FAM171A1: variants seen among roughly 807,000 people sequenced by gnomAD.
FAM171A1 encodes family with sequence similarity 171 member A1.
Under a neutral mutation model 74.9 loss-of-function variants are expected in FAM171A1, and 23 were observed. The ratio of observed to expected loss-of-function variants is 0.31; its 90% CI spans 0.22 to 0.44. The LOEUF is 0.44. FAM171A1 is among the 20% of genes least tolerant of loss of function. The pLI, the probability that FAM171A1 is intolerant of heterozygous loss-of-function variation, is 1.00. For synonymous variants in FAM171A1, 527 were observed against 505.7 expected (o/e 1.04, Z -0.57); for missense variants, 1,162 against 1,159.2 (o/e 1.00, Z -0.03).
At chr10:15,350,400 T>C (rs1479979067) in intron 1 of FAM171A1, among the ~76,000 whole-genome samples, 1 of 148,474 alleles carries the variant, frequency 6.7e-6, no homozygotes, top group Non-Finnish European at 1.5e-5. Context: ...TGCAGTGGCG[T>C]GATCTCGGCT....
intron 1 of FAM171A1, among the ~76,000 whole-genome samples, chr10:15,306,304 A>G (rs1835294190): frequency 6.6e-6 from 1 of 152,230 alleles, no homozygotes. Flanking sequence ...TGCAGAGGAA[A>G]AAATGCTTAC....
intron 5 of FAM171A1, among the ~76,000 whole-genome samples, chr10:15,243,797 A>G (rs1834392886): frequency 1.2e-5 from 1 of 85,352 alleles, no homozygotes; most frequent in African/African-American, 3.8e-5. Context: ...TATACAGTCA[A>G]TGTATACATT....
chr10:15,336,996 G>C (rs563912350), intron 1 of FAM171A1, among the ~76,000 whole-genome samples: 2 of 151,808 alleles, frequency 1.3e-5, no homozygotes, highest in African/African-American at 4.8e-5. Context: ...TTGGGCTCAA[G>C]TGATCCTCCC....
chr10:15,310,067 T>C (rs1414973917), intron 1 of FAM171A1, among the ~76,000 whole-genome samples: 3 of 152,222 alleles, frequency 2.0e-5, no homozygotes, highest in African/African-American at 7.2e-5. Flanking sequence ...AATCCGATGA[T>C]ACTTGATAGT....
chr10:15,310,678 A>G (rs1835349602), intron 1 of FAM171A1, among the ~76,000 whole-genome samples: 1 of 152,148 alleles, frequency 6.6e-6, no homozygotes, highest in Non-Finnish European at 1.5e-5. Context: ...CCTGGCCAAC[A>G]TGGTGAAACC....
At chr10:15,355,865 A>C (rs1354202079) in intron 1 of FAM171A1, among the ~76,000 whole-genome samples, 1 of 152,020 alleles carries the variant, frequency 6.6e-6, no homozygotes, top group Non-Finnish European at 1.5e-5. Context: ...TTCCTTCTTT[A>C]CCCAGACACA....
chr10:15,230,643 ATT>A (rs111610537), intron 5 of FAM171A1, among the ~76,000 whole-genome samples: 1 of 151,614 alleles, frequency 6.6e-6, no homozygotes, highest in Non-Finnish European at 1.5e-5. Context: ...TAAGCAACTG[ATT>A]TTTTTTTCTT....
chr10:15,361,048 C>G (rs1286460261), intron 1 of FAM171A1, among the ~76,000 whole-genome samples: 4 of 152,012 alleles, frequency 2.6e-5, no homozygotes, highest in African/African-American at 9.7e-5. Context: ...AAGCCCTCGT[C>G]TTACCTTTAT....
At position 15,248,665 on chromosome 10, in the gene FAM171A1, G is replaced by C; in HGVS notation, c.728C>G (p.Ala243Gly). 6.2e-7 allele frequency: 1 copy of C among 1,609,988 alleles called. No individual in the cohort carries two copies. The highest frequency in any genetic ancestry group is 8.5e-7 in the Non-Finnish European group (1 of 1,178,116). The change falls in exon 5 of 8, where the codon GCG (alanine) becomes GGG (glycine). Residue 243 changes from alanine (A) to glycine (G), a missense_variant. Transcript: ENST00000378116. ...CAGCTTCTGGTCAAACCGCCACGCC[G>C]CGACATAGGCATTGTGCCTCAGGCT... ...QSSLRHNAYV[A>G]AWRFDQKLGT...
intron 1 of FAM171A1, among the ~76,000 whole-genome samples, chr10:15,311,650 C>G (rs1382145641): frequency 6.6e-6 from 1 of 151,960 alleles, no homozygotes; most frequent in Admixed American, 6.5e-5. Flanking sequence ...CGCCCCACAG[C>G]CCCCTAGTAA....
chr10:15,342,457 A>G (rs961550294), intron 1 of FAM171A1, among the ~76,000 whole-genome samples: 1 of 152,136 alleles, frequency 6.6e-6, no homozygotes, highest in Non-Finnish European at 1.5e-5. Context: ...AGTCTCAGCT[A>G]CTTGGGAGGC....
intron 1 of FAM171A1, among the ~76,000 whole-genome samples, chr10:15,324,711 C>T (rs1213850296): frequency 6.6e-6 from 1 of 151,488 alleles, no homozygotes; most frequent in Non-Finnish European, 1.5e-5. Flanking sequence ...GTGGATTAAA[C>T]AGCCTTAGTT....
intron 1 of FAM171A1, among the ~76,000 whole-genome samples, chr10:15,324,992 G>C (rs906893222): frequency 5.9e-5 from 9 of 152,208 alleles, no homozygotes; most frequent in Admixed American, 6.5e-5. Context: ...TGAGTGACAA[G>C]ACTTGCGAAA....
chr10:15,213,430 C>A lies in FAM171A1; in HGVS notation c.2158G>T (p.Val720Phe), dbSNP rs760506170. 52 of 1,614,068 alleles carry A rather than the reference C, an allele frequency of 3.2e-5. No homozygotes were observed. Among genetic ancestry groups the A allele is most frequent in the Non-Finnish European group, 4.4e-5 (52 of 1,180,052 alleles). The stretch of plus-strand genomic sequence containing the variant: ...TGGAGATCAATGTATGAATGTCTAA[C>A]GTGAGCGTTGGACCTGCCATCCAAG... Reference protein sequence around the residue: ...VSLDGRSNAHVRHSYIDLQRA... With the variant: ...VSLDGRSNAHFRHSYIDLQRA... Residue 720 changes from valine to phenylalanine, a missense_variant, in exon 8 of 8, where the codon GTT becomes TTT. Coordinates refer to ENST00000378116, the MANE Select transcript of FAM171A1 (RefSeq NM_001010924.2). This position sits in a 1 kb window ranked among gnomAD's most constrained non-coding sequence, Gnocchi z 6.8.
At position 15,270,082 on chromosome 10, in the gene FAM171A1, C is replaced by T. The variant is rs1278712136; in HGVS notation, c.418+5773G>A. On this transcript the variant is annotated intron_variant, in intron 3 of 7. Transcript: ENST00000378116. ...CAGCCCACGGAGCATGGCGGAGCATCGCCTCACCTAGGAAGCGCAACGGGT... is the reference window on the plus strand; with the variant it reads ...CAGCCCACGGAGCATGGCGGAGCATTGCCTCACCTAGGAAGCGCAACGGGT... 2.0e-5 allele frequency among the ~76,000 whole-genome samples: 3 copies of T among 152,166 alleles called. No individual in the cohort carries two copies. In the South Asian group the frequency reaches 6.2e-4, roughly 32 times the overall value.
chr10:15,282,351 G>A (rs1330417625), intron 2 of FAM171A1, among the ~76,000 whole-genome samples: 1 of 152,128 alleles, frequency 6.6e-6, no homozygotes, highest in South Asian at 2.1e-4. Flanking sequence ...CATGAGTTAT[G>A]GTGCTATGGG....
chr10:15,343,467 T>C (rs955231894), intron 1 of FAM171A1, among the ~76,000 whole-genome samples: 2 of 152,112 alleles, frequency 1.3e-5, no homozygotes, highest in Admixed American at 1.3e-4. Context: ...CACTGTGCCA[T>C]TCCATAAATA....
chr10:15,264,423 T>TA (rs939716786), intron 3 of FAM171A1, among the ~76,000 whole-genome samples: 26 of 151,396 alleles, frequency 1.7e-4, no homozygotes, highest in East Asian at 7.7e-4. Flanking sequence ...CTGAATCAAT[T>TA]AAAAAAAAAT....
chr10:15,245,478 A>C (rs553481141), intron 5 of FAM171A1, among the ~76,000 whole-genome samples: 1 of 152,340 alleles, frequency 6.6e-6, no homozygotes, highest in East Asian at 1.9e-4. Flanking sequence ...TGTGTGAGCC[A>C]TTCCTTAAAA....
Sources: gnomAD v4.1 joint callset for allele counts (sites outside exome capture counted in the v4.1 genomes callset) on GRCh38, gnomAD v4.1.1 for gene constraint, Gnocchi (gnomAD v3.1) non-coding constraint, MANE v1.5 for transcripts, NCBI Gene and HGNC (gene_info 2026-07-23, HGNC 2026-07-21) for gene names.